Variants in PCDH11Y observed in about 807,000 individuals in gnomAD.
PCDH11Y encodes protocadherin 11 Y-linked.
For synonymous variants in PCDH11Y, 9 were observed against 83.6 expected (o/e 0.11, Z 4.87); for missense variants, 12 against 224.8 (o/e 0.05, Z 6.05).
At chrY:5,004,735 G>C in intron 1 of PCDH11Y, among the ~76,000 whole-genome samples, 1 of 33,881 alleles carries the variant, frequency 3.0e-5, no homozygotes, top group Non-Finnish European at 7.3e-5. Flanking sequence ...TTTAAAGGAG[G>C]TGTCATCCCT....
chrY:5,373,724 A>T, intron 2 of PCDH11Y, among the ~76,000 whole-genome samples: 2 of 26,285 alleles, frequency 7.6e-5, no homozygotes, highest in African/African-American at 2.7e-4. Context: ...ATGTTTATAT[A>T]TATATATATG....
chrY:5,397,047 G>A (rs1415890296), intron 2 of PCDH11Y, among the ~76,000 whole-genome samples: 3 of 33,257 alleles, frequency 9.0e-5, no homozygotes, highest in Admixed American at 8.2e-4. Context: ...ATGAGTCACC[G>A]TGCCCGGCCC....
intron 2 of PCDH11Y, among the ~76,000 whole-genome samples, chrY:5,357,251 G>GTATATATATATA (rs760306167): frequency 6.6e-5 from 1 of 15,246 alleles, no homozygotes; most frequent in African/African-American, 2.7e-4. Context: ...ATATATATAC[G>GTATATATATATA]TATATATATA....
chrY:5,134,036 C>G, intron 2 of PCDH11Y, among the ~76,000 whole-genome samples: 1 of 32,420 alleles, frequency 3.1e-5, no homozygotes, highest in Non-Finnish European at 7.6e-5. Context: ...TAATCTCTTT[C>G]ATCAGTGTTT....
intron 4 of PCDH11Y, among the ~76,000 whole-genome samples, chrY:5,606,134 C>T (rs2053478472): frequency 3.1e-5 from 1 of 32,155 alleles, no homozygotes; most frequent in Non-Finnish European, 7.6e-5. Flanking sequence ...TACTTGAGAG[C>T]CCGTTATTAT....
At chrY:5,551,731 C>T (rs2124694129) in intron 3 of PCDH11Y, among the ~76,000 whole-genome samples, 1 of 32,314 alleles carries the variant, frequency 3.1e-5, no homozygotes, top group African/African-American at 1.2e-4. Context: ...GGTCATAAGA[C>T]ACTCAATAGA....
intron 2 of PCDH11Y, among the ~76,000 whole-genome samples, chrY:5,173,814 G>A: frequency 3.7e-5 from 1 of 27,220 alleles, no homozygotes; most frequent in African/African-American, 1.4e-4. Flanking sequence ...CCTGAGTAGC[G>A]TACACTCTAC....
intron 2 of PCDH11Y, among the ~76,000 whole-genome samples, chrY:5,372,260 T>C: frequency 9.1e-5 from 3 of 32,971 alleles, no homozygotes; most frequent in Admixed American, 8.4e-4. Flanking sequence ...TCTTCAGATT[T>C]TTTAAAAAAA....
intron 3 of PCDH11Y, among the ~76,000 whole-genome samples, chrY:5,035,385 T>A: frequency 3.5e-5 from 1 of 28,218 alleles, no homozygotes; most frequent in Non-Finnish European, 8.5e-5. Flanking sequence ...TAACAGGTTT[T>A]AATTATCTTT....
At chrY:5,531,696 G>A (rs2053393520) in intron 3 of PCDH11Y, among the ~76,000 whole-genome samples, 1 of 30,674 alleles carries the variant, frequency 3.3e-5, no homozygotes, top group African/African-American at 1.3e-4. Context: ...CAAAGAACTA[G>A]ATTTTGATTT....
chrY:5,735,634 G>A, intron 4 of PCDH11Y, among the ~76,000 whole-genome samples: 2 of 32,263 alleles, frequency 6.2e-5, no homozygotes, highest in Admixed American at 2.8e-4. Context: ...GATTAGGTAC[G>A]TGCTATAGTA....
chrY:5,029,706 T>C (rs2052585628), intron 1 of PCDH11Y, among the ~76,000 whole-genome samples: 2 of 27,524 alleles, frequency 7.3e-5, no homozygotes, highest in Non-Finnish European at 1.7e-4. Flanking sequence ...GGGCAAATCA[T>C]GAGGTCAGGA....
chrY:5,061,930 A>G (rs2052676165), intron 1 of PCDH11Y, among the ~76,000 whole-genome samples: 1 of 33,051 alleles, frequency 3.0e-5, no homozygotes, highest in African/African-American at 1.2e-4. Flanking sequence ...ATTTTAAGTA[A>G]ACATCTTCCC....
Position 5,385,252 on chromosome Y carries a change from CAGCATACATTGAACCCAATTTGT to C in PCDH11Y, c.3130-115801_3130-115779del. On this transcript the variant is annotated intron_variant, in intron 2 of 4. Coordinates refer to the PCDH11Y transcript ENST00000400457. ...GATTTTTGTGCACGAATCTCCCAAG[CAGCATACATTGAACCCAATTTGT>C]AGCCTTTTATTTCTCCCTCCCTTCC... Among the ~76,000 whole-genome samples the C allele has an allele frequency of 1.1e-4, 3 of 27,389 alleles. No homozygotes were observed. The South Asian group carries it at 2.7e-3, about 24-fold the overall frequency. The allele number at this position is 27,389 out of a possible 37,273, so 73.5% of individuals were successfully genotyped here.
chrY:5,303,927 G>GAAC (rs2053086739), intron 2 of PCDH11Y, among the ~76,000 whole-genome samples: 10 of 33,436 alleles, frequency 3.0e-4, no homozygotes, highest in African/African-American at 1.1e-3. Context: ...AATGTGATGT[G>GAAC]CCTCATGCTC....
intron 2 of PCDH11Y, among the ~76,000 whole-genome samples, chrY:5,286,062 C>T (rs2053059905): frequency 3.0e-5 from 1 of 33,670 alleles, no homozygotes; most frequent in South Asian, 6.6e-4. Flanking sequence ...TTTAATTCAT[C>T]TTAAGTAGAT....
chrY:5,273,109 G>A, intron 2 of PCDH11Y, among the ~76,000 whole-genome samples: 6 of 33,611 alleles, frequency 1.8e-4, no homozygotes, highest in South Asian at 6.5e-4. Context: ...AATATACTTC[G>A]TTCTTTTTAC....
In PCDH11Y at chrY:5,115,902, A is replaced by G. The variant is rs369760387; in HGVS notation, c.3129+15195A>G. ...ACTACAGGCGCCCGCCACCACGCCC[A>G]GCTAATTTTTTGTATTTTTAGTAGA... On this transcript the variant is annotated intron_variant, in intron 2 of 4. Transcript: ENST00000400457. 8.4e-3 allele frequency among the ~76,000 whole-genome samples: 252 copies of G among 29,872 alleles called. No individual in the cohort carries two copies. The Middle Eastern group carries it at 0.21, about 25-fold the overall frequency. 80.1% of individuals were successfully genotyped at this position (29,872 alleles called of 37,273 possible).
At chrY:5,591,380 AC>A (rs2053461454) in intron 4 of PCDH11Y, among the ~76,000 whole-genome samples, 1 of 32,224 alleles carries the variant, frequency 3.1e-5, no homozygotes, top group African/African-American at 1.2e-4. Flanking sequence ...AGTCAATTAA[AC>A]TTCTTTCTTT....
Sources: gnomAD v4.1 joint callset for allele counts (sites outside exome capture counted in the v4.1 genomes callset) on GRCh38, gnomAD v4.1.1 for gene constraint, MANE v1.5 for transcripts, NCBI Gene and HGNC (gene_info 2026-07-23, HGNC 2026-07-21) for gene names.